Variants in AGAP1 observed in about 807,000 individuals in gnomAD.
AGAP1 encodes arf-GAP with GTPase, ANK repeat and PH domain-containing protein 1.
In AGAP1, 29 loss-of-function variants were observed where a neutral mutation model predicts 105.3. The observed-to-expected ratio is 0.28, with a 90% CI of 0.21 to 0.38. AGAP1 has a LOEUF of 0.38. AGAP1 is among the 10% of genes least tolerant of loss of function. The pLI is 1.00. For missense variants in AGAP1, 998 were observed against 1,165.1 expected, an observed-to-expected ratio of 0.86 and a Z score of 2.09; for synonymous variants, 509 against 485.9, an observed-to-expected ratio of 1.05 and a Z score of -0.63.
chr2:235,809,818 G>T (rs1327902759), intron 9 of AGAP1, among the ~76,000 whole-genome samples: 2 of 152,116 alleles, frequency 1.3e-5, no homozygotes, highest in Non-Finnish European at 2.9e-5. Flanking sequence ...GAGCCTGATG[G>T]CCATATTCTA....
rs79589311 is a variant in AGAP1 at position 235,507,086 on chromosome 2, T to A, written c.163+12237T>A. On this transcript the variant is annotated intron_variant, in intron 1 of 17. Transcript: ENST00000304032. ...GCCGTTTCTCTGGGTGACTGCTCTGTAGTCGTGAGTCGTCTCTTTAATGCT... is the reference window on the plus strand; with the variant it reads ...GCCGTTTCTCTGGGTGACTGCTCTGAAGTCGTGAGTCGTCTCTTTAATGCT... The A allele has an allele frequency of 6.1e-3, 936 of 153,020 alleles. 15 individuals carry two copies. In the East Asian group the frequency reaches 0.066, roughly 11 times the overall value. 9.5% of individuals were successfully genotyped at this position (153,020 alleles called of 1,614,324 possible).
At position 236,037,052 on chromosome 2, in the gene AGAP1, A is replaced by G. The variant is rs2057404055; in HGVS notation, c.1800+337A>G. On this transcript the variant is annotated intron_variant, in intron 14 of 17. Transcript: ENST00000304032. ...GGACAGAATACACTCAGAAAAAAAG[A>G]GAGACGGACTTAAAAGATGCACTGT... is the stretch of plus-strand genomic sequence containing the variant. 3.3e-5 allele frequency among the ~76,000 whole-genome samples: 5 copies of G among 152,220 alleles called. No individual in the cohort carries two copies. In the South Asian group the frequency reaches 1.0e-3, roughly 32 times the overall value.
rs940893401 is a variant in AGAP1, at chr2:235,655,708, A to G, written c.164-53471A>G. 6.6e-6 allele frequency among the ~76,000 whole-genome samples: 1 copy of G among 152,228 alleles called. No individual in the cohort carries two copies. The highest frequency in any genetic ancestry group is 1.5e-5 in the Non-Finnish European group (1 of 68,046). ...CCCGTGTGTTGCTCTGCAAGTCCACATGGAGCAGGATTCCTTATTTTGTGA... is the reference window on the plus strand; with the variant it reads ...CCCGTGTGTTGCTCTGCAAGTCCACGTGGAGCAGGATTCCTTATTTTGTGA... On this transcript the variant is annotated intron_variant, in intron 1 of 17. Coordinates refer to ENST00000304032, the MANE Select transcript of AGAP1 (RefSeq NM_001037131.3). The surrounding 1 kb of genome is among the most constrained non-coding windows in gnomAD (Gnocchi z 4.3).
intron 1 of AGAP1, among the ~76,000 whole-genome samples, chr2:235,532,842 G>C (rs923588917): frequency 6.6e-6 from 1 of 152,294 alleles, no homozygotes; most frequent in African/African-American, 2.4e-5. Context: ...CCGGTGCATG[G>C]CTGGCCATGG....
chr2:235,746,968 C>T (rs1165947055), intron 5 of AGAP1, among the ~76,000 whole-genome samples: 1 of 152,176 alleles, frequency 6.6e-6, no homozygotes, highest in Non-Finnish European at 1.5e-5. Flanking sequence ...GGACCACACA[C>T]ACCTGCGTGT....
chr2:235,653,396 A>G (rs542247902), intron 1 of AGAP1, among the ~76,000 whole-genome samples: 133 of 152,188 alleles, frequency 8.7e-4, no homozygotes, highest in Non-Finnish European at 1.4e-3. Context: ...ACCGGGAGGC[A>G]GAGCTTGCAG....
chr2:236,021,335 C>T (rs938239165), intron 13 of AGAP1, among the ~76,000 whole-genome samples: 5 of 152,070 alleles, frequency 3.3e-5, no homozygotes, highest in Admixed American at 3.3e-4. Flanking sequence ...CTGAGCAGCA[C>T]CTAGGAGAGG....
At position 236,040,742 on chromosome 2, in the gene AGAP1, C is replaced by T. The variant is rs556878761; in HGVS notation, c.1801-9C>T. On this transcript the variant is annotated splice_polypyrimidine_tract_variant and intron_variant, in intron 14 of 17. Transcript: ENST00000304032. This position sits in a 1 kb window ranked among gnomAD's most constrained non-coding sequence, Gnocchi z 5.6. ...TACGCCTTGTATTTGTGTCTTCCTCCGTGCCCAGTCCCGGCTGACGAGCCA... is the reference window on the plus strand; with the variant it reads ...TACGCCTTGTATTTGTGTCTTCCTCTGTGCCCAGTCCCGGCTGACGAGCCA... 2.9e-5 allele frequency: 47 copies of T among 1,612,858 alleles called. No individual in the cohort carries two copies. The highest frequency in any genetic ancestry group is 2.6e-4 in the South Asian group (24 of 91,016).
chr2:235,746,037 G>A lies in AGAP1; in HGVS notation c.538+1198G>A, dbSNP rs1575304861. On this transcript the variant is annotated intron_variant, in intron 5 of 17. Coordinates refer to ENST00000304032, the MANE Select transcript of AGAP1 (RefSeq NM_001037131.3). ...GCTGCTCAGGAGGCTGAGGCAGGAG[G>A]ATCACTTGAACCCAGGAAGCAGAGG... Among the ~76,000 whole-genome samples the A allele has an allele frequency of 2.0e-5, 3 of 152,126 alleles. No individual in the cohort carries two copies. The East Asian group carries it at 5.8e-4, about 29-fold the overall frequency.
chr2:235,902,001 A>C (rs77353752), intron 10 of AGAP1, among the ~76,000 whole-genome samples: 4,729 of 152,324 alleles, frequency 0.031, 270 homozygotes, highest in African/African-American at 0.11. Context: ...TTAAAATAAC[A>C]ATAAACCACC....
intron 1 of AGAP1, among the ~76,000 whole-genome samples, chr2:235,617,154 A>G (rs138936460): frequency 6.6e-6 from 1 of 152,298 alleles, no homozygotes; most frequent in East Asian, 1.9e-4. Context: ...TGTAGGGGGA[A>G]AAATGTTCTT....
intron 6 of AGAP1, among the ~76,000 whole-genome samples, chr2:235,784,337 A>G (rs1297853521): frequency 2.6e-5 from 4 of 152,206 alleles, no homozygotes; most frequent in Non-Finnish European, 5.9e-5. Context: ...ACTAATGCAT[A>G]GAAACTGCGG....
intron 6 of AGAP1, among the ~76,000 whole-genome samples, chr2:235,757,999 A>ATTCCATTCTTTCC (rs1954073180): frequency 6.6e-6 from 1 of 152,124 alleles, no homozygotes; most frequent in African/African-American, 2.4e-5. Flanking sequence ...CTGTTAAAGG[A>ATTCCATTCTTTCC]TGTATCAGTT....
intron 1 of AGAP1, among the ~76,000 whole-genome samples, chr2:235,515,967 T>C (rs770469935): frequency 2.0e-5 from 3 of 152,114 alleles, no homozygotes; most frequent in Non-Finnish European, 4.4e-5. Context: ...GTGTGCGGCC[T>C]CTGTAGCCCA....
chr2:235,858,544 A>G (rs1423000208), intron 9 of AGAP1, among the ~76,000 whole-genome samples: 1 of 152,168 alleles, frequency 6.6e-6, no homozygotes, highest in African/African-American at 2.4e-5. Flanking sequence ...AACCATACAG[A>G]ATTTAGGAAA....
intron 13 of AGAP1, among the ~76,000 whole-genome samples, chr2:235,997,120 A>G (rs543516281): frequency 1.3e-5 from 2 of 151,884 alleles, no homozygotes; most frequent in Non-Finnish European, 2.9e-5. Flanking sequence ...ACGGAGTTTC[A>G]CTCTTGTTGC....
In AGAP1 at chr2:235,988,124, C is replaced by G. The variant is rs1404246327; in HGVS notation, c.1645+19501C>G. ...GTGGCATGATCTCGGCTCACTGAAG[C>G]CTCCACCTCCAAAGTTCAAGTGATT... is the stretch of plus-strand genomic sequence containing the variant. On this transcript the variant is annotated intron_variant, in intron 13 of 17. Coordinates refer to ENST00000304032, the MANE Select transcript of AGAP1 (RefSeq NM_001037131.3). This position sits in a 1 kb window ranked among gnomAD's most constrained non-coding sequence, Gnocchi z 4.7. Among the ~76,000 whole-genome samples, 1 of 152,130 alleles carries G rather than the reference C, an allele frequency of 6.6e-6. No homozygotes were observed. Among genetic ancestry groups the G allele is most frequent in the Non-Finnish European group, 1.5e-5 (1 of 68,024 alleles).
intron 16 of AGAP1, among the ~76,000 whole-genome samples, chr2:236,064,203 G>A (rs777134630): frequency 6.6e-6 from 1 of 152,190 alleles, no homozygotes; most frequent in Non-Finnish European, 1.5e-5. Context: ...AGACTCCTGA[G>A]AGAAGCCAAC....
rs776895758 is a variant in AGAP1, at chr2:236,121,534, C to T, written c.2370+1087C>T. Among the ~76,000 whole-genome samples, 8 of 151,980 alleles carry T rather than the reference C, an allele frequency of 5.3e-5. No individual in the cohort carries two copies. The highest frequency in any genetic ancestry group is 1.3e-4 in the Admixed American group (2 of 15,252). ...CAGTCTGGTCTCGAGCTCCTGACCTCGTGATCCACCCGCCTCGGCCTCCCA... is the reference window on the plus strand; with the variant it reads ...CAGTCTGGTCTCGAGCTCCTGACCTTGTGATCCACCCGCCTCGGCCTCCCA... On this transcript the variant is annotated intron_variant, in intron 17 of 17. Coordinates refer to ENST00000304032, the MANE Select transcript of AGAP1 (RefSeq NM_001037131.3). This position sits in a 1 kb window ranked among gnomAD's most constrained non-coding sequence, Gnocchi z 4.9.
Sources: gnomAD v4.1 joint callset for allele counts (sites outside exome capture counted in the v4.1 genomes callset) on GRCh38, gnomAD v4.1.1 for gene constraint, Gnocchi (gnomAD v3.1) non-coding constraint, MANE v1.5 for transcripts, NCBI Gene and HGNC (gene_info 2026-07-23, HGNC 2026-07-21) for gene names.